Variants in RTKN2 observed in about 807,000 individuals in gnomAD.
The protein encoded by RTKN2 is rhotekin-2.
In RTKN2, 69 loss-of-function variants were observed where a neutral mutation model predicts 71.5. The observed-to-expected ratio is 0.96, with a 90% CI of 0.79 to 1.18. RTKN2 has a LOEUF of 1.18. Among genes scored for constraint, RTKN2 ranks in the 50% most tolerant of loss-of-function variants. The pLI, the probability that RTKN2 is intolerant of heterozygous loss-of-function variation, is 0.00. For synonymous variants in RTKN2, 236 were observed against 236.5 expected (o/e 1.00, Z 0.02); for missense variants, 724 against 719.7 (o/e 1.01, Z -0.07).
At chr10:62,208,444 A>T (rs981482393) in intron 9 of RTKN2, among the ~76,000 whole-genome samples, 27 of 152,296 alleles carry the variant, frequency 1.8e-4, no homozygotes, top group African/African-American at 6.5e-4. Flanking sequence ...GGGTTATGTC[A>T]AAAGGATTCA....
At chr10:62,266,294 G>A (rs1842867351) in intron 1 of RTKN2, among the ~76,000 whole-genome samples, 1 of 152,148 alleles carries the variant, frequency 6.6e-6, no homozygotes, top group Non-Finnish European at 1.5e-5. Context: ...TGGCTTTATT[G>A]TTGGTATTAA....
chr10:62,229,045 T>A (rs920865393), intron 6 of RTKN2, among the ~76,000 whole-genome samples: 1 of 152,170 alleles, frequency 6.6e-6, no homozygotes, highest in Admixed American at 6.5e-5. Context: ...GTATCTCAAG[T>A]GAGACCAGGA....
chr10:62,262,946 G>T, intron 1 of RTKN2, 125 bp from the exon 2 acceptor site: 1 of 564,254 alleles, frequency 1.8e-6, no homozygotes, highest in Non-Finnish European at 3.0e-6. Context: ...TTTAATATAT[G>T]TAGTGTAAAA....
chr10:62,263,530 A>G (rs1589389413), intron 1 of RTKN2, among the ~76,000 whole-genome samples: 1 of 152,200 alleles, frequency 6.6e-6, no homozygotes, highest in South Asian at 2.1e-4. Context: ...AATGTGAACA[A>G]TATATCACAC....
rs192802889 is a variant in RTKN2 at position 62,261,260 on chromosome 10, G to A, written c.257+1365C>T. Among the ~76,000 whole-genome samples, 12 of 152,216 alleles carry A rather than the reference G, an allele frequency of 7.9e-5. No individual in the cohort carries two copies. The East Asian group carries it at 1.5e-3, about 20-fold the overall frequency. On this transcript the variant is annotated intron_variant, in intron 2 of 11. Transcript: ENST00000373789. Reference sequence around the variant, plus strand: ...TAAGTATGTAAAAGGCATTACATTAGGTTTTTGTATATATAAAATCTCAAT... The same window carrying A: ...TAAGTATGTAAAAGGCATTACATTAAGTTTTTGTATATATAAAATCTCAAT...
chr10:62,195,670 G>A lies in RTKN2; in HGVS notation c.*2238C>T, dbSNP rs1841315144. The A allele has an allele frequency of 1.1e-6, 1 of 933,784 alleles. No homozygotes were observed. Among genetic ancestry groups the A allele is most frequent in the Non-Finnish European group, 1.3e-6 (1 of 791,706 alleles). 57.8% of individuals were successfully genotyped at this position (933,784 alleles called of 1,614,324 possible). A position where few individuals can be genotyped will look rare whatever the true frequency, so the allele number is the denominator to read the frequency against. On this transcript the variant is annotated 3_prime_UTR_variant, in exon 12 of 12. Coordinates refer to ENST00000373789, the MANE Select transcript of RTKN2 (RefSeq NM_145307.4). The stretch of plus-strand genomic sequence containing the variant: ...AGGAAGGAAGGAAGGAAGGAAGGAA[G>A]GAAACCAACTCTGTATTATAACTAC...
chr10:62,205,517 C>G (rs1054555711), intron 9 of RTKN2, among the ~76,000 whole-genome samples: 2 of 152,118 alleles, frequency 1.3e-5, no homozygotes, highest in Non-Finnish European at 2.9e-5. Context: ...AAAACCGTAA[C>G]TTAGTGTTTA....
chr10:62,218,036 C>T (rs1477869145), intron 8 of RTKN2, among the ~76,000 whole-genome samples, 159 bp downstream of exon 8: 1 of 152,028 alleles, frequency 6.6e-6, no homozygotes, highest in Non-Finnish European at 1.5e-5. Flanking sequence ...TCTTTTCACC[C>T]CGCACCCCCT....
intron 11 of RTKN2, among the ~76,000 whole-genome samples, chr10:62,199,475 A>G (rs1564498457): frequency 6.6e-6 from 1 of 152,088 alleles, no homozygotes. Context: ...TTCATCAGCT[A>G]CTCAGCTAAT....
At chr10:62,231,550 C>T (rs959083828) in intron 6 of RTKN2, among the ~76,000 whole-genome samples, 8 of 152,172 alleles carry the variant, frequency 5.3e-5, no homozygotes, top group African/African-American at 1.9e-4. Context: ...GTCAGGATAA[C>T]ATTTTCTTTC....
intron 2 of RTKN2, among the ~76,000 whole-genome samples, chr10:62,250,717 C>G (rs1333442108): frequency 6.6e-6 from 1 of 152,132 alleles, no homozygotes; most frequent in Non-Finnish European, 1.5e-5. Context: ...GCAACCTCCG[C>G]CTCCTGGGTT....
chr10:62,244,304 G>A (rs766471077), intron 3 of RTKN2, among the ~76,000 whole-genome samples: 13 of 152,080 alleles, frequency 8.5e-5, no homozygotes, highest in African/African-American at 1.2e-4. Context: ...CAGAGTTTCC[G>A]TTCCTTAATT....
chr10:62,200,701 T>G (rs1255887655), intron 10 of RTKN2, among the ~76,000 whole-genome samples: 2 of 152,096 alleles, frequency 1.3e-5, no homozygotes, highest in Non-Finnish European at 2.9e-5. Flanking sequence ...CAACTGTCCC[T>G]TTAAGATGAT....
Position 62,246,024 on chromosome 10 carries a change from T to C in RTKN2, c.291A>G (p.Ala97=), listed in dbSNP as rs767671020. ...CTGATATGGCAATCTTTCCTTTACA[T>C]GCTGTTCGTTCTTTACTTTCAAATT... ...DVKFESKERT[A]CKGKIAISDI... The change falls in exon 3 of 12, where the codon GCA becomes GCG. Residue 97 remains alanine (A), a synonymous_variant. Coordinates refer to ENST00000373789, the MANE Select transcript of RTKN2 (RefSeq NM_145307.4). 9.4e-6 allele frequency: 15 copies of C among 1,596,612 alleles called. No homozygotes were observed. The highest frequency in any genetic ancestry group is 2.7e-5 in the African/African-American group (2 of 74,290).
At position 62,198,378 on chromosome 10, in the gene RTKN2, T is replaced by C; in HGVS notation, c.1360A>G (p.Asn454Asp). The part of the protein sequence containing the change: ...DIIQKKIEET[N>D]GQFLIGQHEE... ...TGCTGACCAATAAGGAACTGCCCAT[T>C]TGTCTCTTCAATTTTTTTTTGTATT... The change falls in exon 12 of 12, where the codon AAT becomes GAT. Residue 454 changes from asparagine to aspartate, a missense_variant. By Grantham distance (23) the Asn-to-Asp change is conservative (BLOSUM62 1). Coordinates refer to ENST00000373789, the MANE Select transcript of RTKN2 (RefSeq NM_145307.4). 1 of 1,599,550 alleles carries C rather than the reference T, an allele frequency of 6.3e-7. No individual in the cohort carries two copies.
chr10:62,265,098 G>C (rs1028770214), intron 1 of RTKN2, among the ~76,000 whole-genome samples: 1 of 69,636 alleles, frequency 1.4e-5, no homozygotes, highest in Non-Finnish European at 3.3e-5. Context: ...TGTAAAGTCA[G>C]GATTAAAAAA....
chr10:62,256,194 G>A (rs1842671936), intron 2 of RTKN2, among the ~76,000 whole-genome samples: 1 of 151,578 alleles, frequency 6.6e-6, no homozygotes, highest in African/African-American at 2.4e-5. Flanking sequence ...AAATCTTTCT[G>A]TATTTTTTTG....
chr10:62,201,980 G>A (rs1841452233), intron 10 of RTKN2, among the ~76,000 whole-genome samples: 1 of 152,226 alleles, frequency 6.6e-6, no homozygotes. Flanking sequence ...ACCATTTACT[G>A]TTATAGTGTT....
intron 3 of RTKN2, among the ~76,000 whole-genome samples, chr10:62,244,863 A>T (rs1388598295): frequency 6.6e-6 from 1 of 152,144 alleles, no homozygotes; most frequent in Non-Finnish European, 1.5e-5. Context: ...CCATTTACGT[A>T]CTTTGTAAAA....
Sources: allele counts gnomAD v4.1 joint callset (sites outside exome capture counted in the v4.1 genomes callset), GRCh38; gene constraint gnomAD v4.1.1; transcripts MANE v1.5; gene names NCBI Gene and HGNC (gene_info 2026-07-23, HGNC 2026-07-21).